CCDC141: variants seen among roughly 807,000 people sequenced by gnomAD.
The protein encoded by CCDC141 is coiled-coil domain-containing protein 141.
CCDC141 carries 168 observed loss-of-function variants against 181.0 expected under a neutral mutation model. The ratio of observed to expected loss-of-function variants is 0.93; its 90% CI spans 0.82 to 1.05. CCDC141 has a LOEUF of 1.05. Among genes scored for constraint, CCDC141 ranks in the 50% least tolerant of loss-of-function variants. The pLI, the probability that CCDC141 is intolerant of heterozygous loss-of-function variation, is 0.00. For synonymous variants in CCDC141, 666 were observed against 642.3 expected, an observed-to-expected ratio of 1.04 and a Z score of -0.56; for missense variants, 1,902 against 1,788.5, an observed-to-expected ratio of 1.06 and a Z score of -1.14.
chr2:179,008,981 C>T (rs891614725), intron 2 of CCDC141, among the ~76,000 whole-genome samples: 1 of 152,170 alleles, frequency 6.6e-6, no homozygotes, highest in African/African-American at 2.4e-5. Context: ...GCCTACTTGT[C>T]CATCCTATCT....
rs935405100 is a variant in CCDC141 at position 179,029,684 on chromosome 2, G to T, written c.225+17600C>A. Among the ~76,000 whole-genome samples, 5 of 152,170 alleles carry T rather than the reference G, an allele frequency of 3.3e-5. No individual in the cohort carries two copies. In the East Asian group the frequency reaches 9.6e-4, roughly 29 times the overall value. On this transcript the variant is annotated intron_variant, in intron 2 of 23. Transcript: ENST00000443758. ...CAAAATCCTATTTGCAAGCTTAGCT[G>T]GGATTTTTGGTTAGAAGTATAAACA...
At chr2:178,947,728 T>G (rs925607801) in intron 5 of CCDC141, among the ~76,000 whole-genome samples, 1 of 152,118 alleles carries the variant, frequency 6.6e-6, no homozygotes, top group East Asian at 1.9e-4. Context: ...AGAGCTGCCT[T>G]GAAAGTTAAA....
chr2:178,854,645 C>T (rs949817734), intron 19 of CCDC141, among the ~76,000 whole-genome samples: 2 of 152,132 alleles, frequency 1.3e-5, no homozygotes, highest in Non-Finnish European at 2.9e-5. Context: ...TAAATAAGTG[C>T]CACAAAGGGA....
chr2:178,999,479 G>A (rs1417721047), intron 2 of CCDC141, among the ~76,000 whole-genome samples: 1 of 151,908 alleles, frequency 6.6e-6, no homozygotes, highest in Non-Finnish European at 1.5e-5. Flanking sequence ...TTCTCTACCC[G>A]TATGCCATAT....
intron 7 of CCDC141, among the ~76,000 whole-genome samples, chr2:178,915,291 A>G (rs1362423747): frequency 7.2e-5 from 11 of 152,268 alleles, no homozygotes; most frequent in African/African-American, 2.7e-4. Context: ...ATATGATATG[A>G]GAAAATTACT....
Position 178,833,944 on chromosome 2 carries a change from C to T in CCDC141, c.*229G>A, listed in dbSNP as rs1684364651. ...GTTGAAAACATCTGTTTCTAGAGTA[C>T]AAAAATCTGTTCTTATCCACTACAG... is the stretch of plus-strand genomic sequence containing the variant. On this transcript the variant is annotated 3_prime_UTR_variant, in exon 24 of 24. Transcript: ENST00000443758. 2.0e-6 allele frequency: 1 copy of T among 502,872 alleles called. No individual in the cohort carries two copies. Among genetic ancestry groups the T allele is most frequent in the Middle Eastern group, 5.3e-4 (1 of 1,888 alleles). The allele number at this position is 502,872 out of a possible 1,614,324, so 31.2% of individuals were successfully genotyped here. A position where few individuals can be genotyped will look rare whatever the true frequency, so the allele number is the denominator to read the frequency against.
intron 2 of CCDC141, among the ~76,000 whole-genome samples, chr2:178,994,238 C>A (rs76727079): frequency 2.0e-5 from 3 of 152,318 alleles, no homozygotes; most frequent in East Asian, 3.9e-4. Flanking sequence ...CCTGCCCCTG[C>A]GGCAAATTTC....
downstream of CCDC141, among the ~76,000 whole-genome samples, chr2:178,826,032 G>A (rs944934245): frequency 2.0e-5 from 3 of 152,140 alleles, no homozygotes; most frequent in Non-Finnish European, 2.9e-5. Context: ...AAGAGAGGAT[G>A]TCCTTAAGTA....
At chr2:178,954,963 A>G (rs538905866) in intron 5 of CCDC141, among the ~76,000 whole-genome samples, 47 of 152,236 alleles carry the variant, frequency 3.1e-4, no homozygotes, top group African/African-American at 1.1e-3. Context: ...GCAATTCTTC[A>G]CCACTGTACC....
intron 2 of CCDC141, among the ~76,000 whole-genome samples, chr2:179,008,442 G>C (rs2042173195): frequency 6.6e-6 from 1 of 152,260 alleles, no homozygotes; most frequent in Admixed American, 6.5e-5. Context: ...CCCTTTGTAA[G>C]ACCTCTGAAG....
At chr2:178,990,382 C>T (rs1052457327) in intron 2 of CCDC141, among the ~76,000 whole-genome samples, 7 of 151,898 alleles carry the variant, frequency 4.6e-5, no homozygotes, top group Admixed American at 6.6e-5. Flanking sequence ...AGCAAGCACA[C>T]GCATATTAAC....
At chr2:178,985,067 T>C (rs1053657217) in intron 2 of CCDC141, among the ~76,000 whole-genome samples, 2 of 151,508 alleles carry the variant, frequency 1.3e-5, no homozygotes, top group Non-Finnish European at 2.9e-5. Flanking sequence ...TACTTGGAAG[T>C]AAAGCTCTCC....
At chr2:178,954,550 T>C (rs1690080262) in intron 5 of CCDC141, among the ~76,000 whole-genome samples, 1 of 152,194 alleles carries the variant, frequency 6.6e-6, no homozygotes, top group Admixed American at 6.5e-5. Context: ...AAAGGAGAAT[T>C]AGCTGAACTA....
At chr2:178,986,455 T>A (rs988395105) in intron 2 of CCDC141, among the ~76,000 whole-genome samples, 22 of 152,280 alleles carry the variant, frequency 1.4e-4, no homozygotes, top group African/African-American at 3.4e-4. Flanking sequence ...TAGTGTTGGA[T>A]GTTCTGGCCA....
In CCDC141 at chr2:178,950,204, T is replaced by C. The variant is rs556160754; in HGVS notation, c.781-5553A>G. Among the ~76,000 whole-genome samples the C allele has an allele frequency of 2.3e-3, 350 of 152,328 alleles. 1 individual carries two copies. The highest frequency in any genetic ancestry group is 8.0e-3 in the African/African-American group (334 of 41,596). ...TTATCTTCTTTAACCCAAGACTTTT[T>C]GACAGTCTCTCTGGCAATTACCAAA... On this transcript the variant is annotated intron_variant, in intron 5 of 23. Coordinates refer to ENST00000443758, the MANE Select transcript of CCDC141 (RefSeq NM_173648.4).
chr2:178,833,974 T>C lies in CCDC141; in HGVS notation c.*199A>G, dbSNP rs139679333. The C allele has an allele frequency of 1.9e-5, 11 of 584,118 alleles. No homozygotes were observed. The highest frequency in any genetic ancestry group is 1.9e-4 in the African/African-American group (10 of 53,800). The allele number at this position is 584,118 out of a possible 1,614,324, so 36.2% of individuals were successfully genotyped here. A position where few individuals can be genotyped will look rare whatever the true frequency, so the allele number is the denominator to read the frequency against. ...ATCTGTTCTTATCCACTACAGATAA[T>C]TTACCAAGCTTCTCAAATATATTAA... is the stretch of plus-strand genomic sequence containing the variant. On this transcript the variant is annotated 3_prime_UTR_variant, in exon 24 of 24. Coordinates refer to ENST00000443758, the MANE Select transcript of CCDC141 (RefSeq NM_173648.4).
intron 4 of CCDC141, among the ~76,000 whole-genome samples, chr2:178,967,924 A>T (rs181808279): frequency 6.6e-6 from 1 of 152,208 alleles, no homozygotes; most frequent in Non-Finnish European, 1.5e-5. Context: ...GTAAAAAAAA[A>T]GCAAGAGTTG....
chr2:178,946,622 T>G (rs1428470179), intron 5 of CCDC141, among the ~76,000 whole-genome samples: 1 of 152,114 alleles, frequency 6.6e-6, no homozygotes, highest in African/African-American at 2.4e-5. Flanking sequence ...TAAAAACAGG[T>G]GAGAAGCCTG....
chr2:178,919,130 G>T (rs1248135120), intron 6 of CCDC141, among the ~76,000 whole-genome samples: 1 of 152,094 alleles, frequency 6.6e-6, no homozygotes, highest in Non-Finnish European at 1.5e-5. Context: ...CAACCCAGAA[G>T]AGGGTTTTCA....
Sources: allele counts gnomAD v4.1 joint callset (sites outside exome capture counted in the v4.1 genomes callset), GRCh38; gene constraint gnomAD v4.1.1; transcripts MANE v1.5; gene names NCBI Gene and HGNC (gene_info 2026-07-23, HGNC 2026-07-21).